The following CCDC148 variants were observed in gnomAD, a reference collection of about 807,000 sequenced individuals.
CCDC148 encodes coiled-coil domain-containing protein 148.
In CCDC148, 89 loss-of-function variants were observed where a neutral mutation model predicts 85.7. That is an observed-to-expected ratio of 1.04 (90% CI 0.87 to 1.24). CCDC148 has a LOEUF of 1.24. CCDC148 is among the 50% of genes most tolerant of loss of function. The pLI, the probability that CCDC148 is intolerant of heterozygous loss-of-function variation, is 0.00. For missense variants in CCDC148, 692 were observed against 671.7 expected (o/e 1.03, Z -0.33); for synonymous variants, 230 against 213.9 (o/e 1.08, Z -0.66).
intron 1 of CCDC148, among the ~76,000 whole-genome samples, chr2:158,380,332 G>C (rs1374585061): frequency 6.6e-6 from 1 of 152,046 alleles, no homozygotes; most frequent in Admixed American, 6.6e-5. Context: ...CATTACAGTA[G>C]ACCAATAAAA....
intron 10 of CCDC148, among the ~76,000 whole-genome samples, chr2:158,226,727 C>T (rs1360137029): frequency 6.6e-6 from 1 of 152,104 alleles, no homozygotes; most frequent in Non-Finnish European, 1.5e-5. Context: ...TCAATAGATG[C>T]AGAAAAGGCC....
At chr2:158,244,936 C>G (rs575868289) in intron 10 of CCDC148, among the ~76,000 whole-genome samples, 74 of 152,266 alleles carry the variant, frequency 4.9e-4, no homozygotes, top group Middle Eastern at 3.4e-3. Context: ...AATCATTCTT[C>G]TGTGCTCACC....
At chr2:158,217,935 C>T (rs1053791688) in intron 11 of CCDC148, among the ~76,000 whole-genome samples, 6 of 152,086 alleles carry the variant, frequency 3.9e-5, no homozygotes, top group African/African-American at 4.8e-5. Flanking sequence ...AACCAATCAA[C>T]CGAATTTCTT....
At chr2:158,342,341 GTTT>G (rs1408852205) in intron 3 of CCDC148, among the ~76,000 whole-genome samples, 1 of 151,954 alleles carries the variant, frequency 6.6e-6, no homozygotes, top group Non-Finnish European at 1.5e-5. Context: ...CAAGGTTTTG[GTTT>G]TTGTTTAAAT....
intron 1 of CCDC148, among the ~76,000 whole-genome samples, chr2:158,406,625 T>TTTTTTTTTTGTTTTTTTTTG (rs1334222744): frequency 1.2e-4 from 12 of 97,660 alleles, no homozygotes; most frequent in South Asian, 2.6e-4. Flanking sequence ...TTTTTTTTTT[T>TTTTTTTTTTGTTTTTTTTTG]TTTTTTTTTT....
At chr2:158,359,172 A>G (rs995740395) in intron 1 of CCDC148, among the ~76,000 whole-genome samples, 3 of 152,220 alleles carry the variant, frequency 2.0e-5, no homozygotes, top group African/African-American at 7.2e-5. Flanking sequence ...AAAGTAAAAC[A>G]TAAGTGAGGG....
At chr2:158,323,912 G>C (rs539346731) in intron 7 of CCDC148, among the ~76,000 whole-genome samples, 1 of 140,880 alleles carries the variant, frequency 7.1e-6, no homozygotes, top group Admixed American at 7.2e-5. Context: ...TCACCACCTG[G>C]GAATAACTTT....
intron 2 of CCDC148, among the ~76,000 whole-genome samples, chr2:158,351,803 C>A (rs1277396526): frequency 6.6e-6 from 1 of 151,844 alleles, no homozygotes; most frequent in Non-Finnish European, 1.5e-5. Context: ...ACAGCAGTAA[C>A]CTCTGCAGAC....
chr2:158,401,891 C>T (rs1685801709), intron 1 of CCDC148, among the ~76,000 whole-genome samples: 1 of 151,864 alleles, frequency 6.6e-6, no homozygotes. Flanking sequence ...AGCAGAGCAG[C>T]CCAGACCTCA....
Position 158,200,263 on chromosome 2 carries a change from T to C in CCDC148, c.1370+20332A>G, listed in dbSNP as rs11899765. On this transcript the variant is annotated intron_variant, in intron 11 of 13. Transcript: ENST00000283233. ...TAAGTTTTCTGAAGCACTTAAGGAA[T>C]GCTGTTTAATTTAAAGTCTTGTAGG... Among the ~76,000 whole-genome samples, 892 of 152,318 alleles carry C rather than the reference T, an allele frequency of 5.9e-3. 14 individuals carry two copies. The highest frequency in any genetic ancestry group is 0.02 in the African/African-American group (851 of 41,560).
chr2:158,411,325 A>G (rs1686249661), intron 1 of CCDC148, among the ~76,000 whole-genome samples: 1 of 152,066 alleles, frequency 6.6e-6, no homozygotes, highest in African/African-American at 2.4e-5. Context: ...GATAATTTGT[A>G]TACTGGTTCA....
intron 9 of CCDC148, among the ~76,000 whole-genome samples, chr2:158,262,462 A>G (rs1315265770): frequency 6.6e-6 from 1 of 151,964 alleles, no homozygotes; most frequent in African/African-American, 2.4e-5. Context: ...ACCCCATGAC[A>G]TGAGTTTACC....
At chr2:158,294,065 C>T (rs891452082) in intron 9 of CCDC148, among the ~76,000 whole-genome samples, 1 of 136,486 alleles carries the variant, frequency 7.3e-6, no homozygotes. Context: ...TCCTTCCTTC[C>T]GCCTTGGAAA....
At chr2:158,363,963 A>G (rs560215953) in intron 1 of CCDC148, among the ~76,000 whole-genome samples, 1 of 152,366 alleles carries the variant, frequency 6.6e-6, no homozygotes, top group Non-Finnish European at 1.5e-5. Context: ...AACTTCAGCA[A>G]AGTCTCAGGA....
rs529181964 is a variant in CCDC148, at chr2:158,245,835, GACA to G, written c.1251+4934_1251+4936del. 4.7e-3 allele frequency among the ~76,000 whole-genome samples: 717 copies of G among 152,242 alleles called. 1 individual carries two copies. Among genetic ancestry groups the G allele is most frequent in the Middle Eastern group, 0.014 (4 of 294 alleles). ...AGGTGTTATCTTTTGATTTTATCAT[GACA>G]ACAATTTCAGAAATAGAGAGATGCT... On this transcript the variant is annotated intron_variant, in intron 10 of 13. Transcript: ENST00000283233.
At chr2:158,415,398 C>T (rs1686450608) in intron 1 of CCDC148, among the ~76,000 whole-genome samples, 1 of 150,342 alleles carries the variant, frequency 6.7e-6, no homozygotes, top group South Asian at 2.1e-4. Flanking sequence ...GACCCCTCCT[C>T]TAACATTAAG....
At chr2:158,303,604 C>A (rs1329649900) in intron 9 of CCDC148, among the ~76,000 whole-genome samples, 1 of 152,032 alleles carries the variant, frequency 6.6e-6, no homozygotes, top group Non-Finnish European at 1.5e-5. Flanking sequence ...GAGCTCAGTC[C>A]CTCATCAGGA....
rs548234821 is a variant in CCDC148, at chr2:158,341,470, C to T, written c.252-790G>A. 3.9e-5 allele frequency among the ~76,000 whole-genome samples: 6 copies of T among 152,146 alleles called. No homozygotes were observed. The South Asian group carries it at 1.0e-3, about 26-fold the overall frequency. ...TACAGGCATGTGACACCACACCTAGCTAATATGTGCGTGTGTGTACTTTTA... is the reference window on the plus strand; with the variant it reads ...TACAGGCATGTGACACCACACCTAGTTAATATGTGCGTGTGTGTACTTTTA... On this transcript the variant is annotated intron_variant, in intron 3 of 13. Coordinates refer to ENST00000283233, the MANE Select transcript of CCDC148 (RefSeq NM_138803.4).
chr2:158,345,365 T>G (rs759995483), intron 2 of CCDC148, 47 bp from the exon 3 acceptor site: 2 of 1,344,358 alleles, frequency 1.5e-6, no homozygotes, highest in South Asian at 1.2e-5. Context: ...GTTTTCAGAA[T>G]GTGTTTTTCA....
Sources: gnomAD v4.1 joint callset for allele counts (sites outside exome capture counted in the v4.1 genomes callset) on GRCh38, gnomAD v4.1.1 for gene constraint, MANE v1.5 for transcripts, NCBI Gene and HGNC (gene_info 2026-07-23, HGNC 2026-07-21) for gene names.